The following MEIG1 variants were observed in gnomAD, a reference collection of about 807,000 sequenced individuals.
MEIG1 encodes the protein meiosis/spermiogenesis associated 1, also known as meiosis expressed gene 1 protein homolog.
Under a neutral mutation model 11.3 loss-of-function variants are expected in MEIG1, and 12 were observed. The ratio of observed to expected loss-of-function variants is 1.07; its 90% confidence interval spans 0.68 to 1.73. The LOEUF (loss-of-function observed/expected upper bound fraction) is 1.73, where lower values mean the gene tolerates loss of function less well. Ranked by LOEUF, MEIG1 falls within the 40% of genes most tolerant of loss-of-function variation. The pLI, the probability that MEIG1 is intolerant of heterozygous loss-of-function variation, is 0.00. For missense variants in MEIG1, 119 were observed against 104.9 expected (o/e 1.13, Z -0.59); for synonymous variants, 41 against 33.2 (o/e 1.24, Z -0.81).
In MEIG1 at chr10:14,978,205, A is replaced by G. The variant is rs148359007; in HGVS notation, n.66+5585A>G. On this transcript the variant is annotated intron_variant and non_coding_transcript_variant, in intron 1 of 2. Transcript: ENST00000467536. ...CAGGGAATGTTACTTTGAATGTCACATGGGGTGTACACCCTTTGATGTTAG... is the reference window on the plus strand; with the variant it reads ...CAGGGAATGTTACTTTGAATGTCACGTGGGGTGTACACCCTTTGATGTTAG... Among the ~76,000 whole-genome samples the G allele has an allele frequency of 3.3e-3, 499 of 152,064 alleles. 7 individuals carry two copies. Among genetic ancestry groups the G allele is most frequent in the Admixed American group, 0.023 (356 of 15,260 alleles).
rs1333818249 is a variant in MEIG1, at chr10:14,966,737, A to G, written c.138+131A>G. On this transcript the variant is annotated intron_variant, in intron 2 of 2. Coordinates refer to ENST00000407572, the MANE Select transcript of MEIG1 (RefSeq NM_001080836.3). ...TCTCTCATTTTATTTGTTTTCTTTT[A>G]TTTACTTTTATTTTATTTTTTGAGA... 3 of 878,682 alleles carry G rather than the reference A, an allele frequency of 3.4e-6. No individual in the cohort carries two copies. In the Admixed American group the frequency reaches 9.3e-5, roughly 27 times the overall value. 54.4% of individuals were successfully genotyped at this position (878,682 alleles called of 1,614,324 possible).
In MEIG1 at chr10:14,972,526, C is replaced by G. The variant is rs148637904; in HGVS notation, c.152C>G (p.Pro51Arg). The change falls in exon 3 of 3, where the codon CCG (proline) becomes CGG (arginine). Residue 51 changes from proline to arginine, a missense_variant. Pro to Arg is a moderately radical substitution (Grantham distance 103). Transcript: ENST00000407572. The part of the protein sequence containing the change: ...VKQVSMVDRW[P>R]ETGYVKKLQR... ...CTTGATGTGCAGGTAGATCGTTGGCCGGAGACAGGATATGTGAAGAAACTT... is the reference window on the plus strand; with the variant it reads ...CTTGATGTGCAGGTAGATCGTTGGCGGGAGACAGGATATGTGAAGAAACTT... 1.2e-4 allele frequency: 191 copies of G among 1,613,866 alleles called. No homozygotes were observed. The highest frequency in any genetic ancestry group is 1.5e-4 in the Non-Finnish European group (180 of 1,179,918).
At chr10:14,978,024 A>G (rs1016457398) in intron 1 of MEIG1, among the ~76,000 whole-genome samples, 1 of 151,676 alleles carries the variant, frequency 6.6e-6, no homozygotes, top group Non-Finnish European at 1.5e-5. Context: ...TTATTGTAAT[A>G]TTCTAGGGGG....
At chr10:14,986,754 C>A (rs947380084) in intron 1 of MEIG1, 1 of 331,342 alleles carries the variant, frequency 3.0e-6, no homozygotes. Flanking sequence ...AGACTACAGG[C>A]AGGCGTCACC....
chr10:14,955,313 T>C (rs780252735), upstream of MEIG1, among the ~76,000 whole-genome samples: 10 of 152,192 alleles, frequency 6.6e-5, no homozygotes, highest in Non-Finnish European at 1.2e-4. Flanking sequence ...CGACAACATG[T>C]TTGCAGAATA....
downstream of MEIG1, among the ~76,000 whole-genome samples, chr10:14,975,653 C>T (rs1016526623): frequency 1.3e-5 from 2 of 151,922 alleles, no homozygotes; most frequent in Non-Finnish European, 2.9e-5. Flanking sequence ...GTACAGCCCC[C>T]CTGTGATATG....
At chr10:14,964,500 G>A (rs1305665768) in intron 1 of MEIG1, among the ~76,000 whole-genome samples, 2 of 150,246 alleles carry the variant, frequency 1.3e-5, no homozygotes, top group African/African-American at 4.9e-5. Context: ...CCAGTATGAA[G>A]GATGGATATT....
chr10:14,965,824 A>G (rs1043724772), intron 1 of MEIG1, among the ~76,000 whole-genome samples: 22 of 152,178 alleles, frequency 1.4e-4, no homozygotes, highest in African/African-American at 5.3e-4. Context: ...GTATTTGCAT[A>G]CAGCTTTTAG....
At chr10:14,955,282 G>A (rs974610762), upstream of MEIG1, among the ~76,000 whole-genome samples, 3 of 152,178 alleles carry the variant, frequency 2.0e-5, no homozygotes, top group African/African-American at 7.2e-5. Flanking sequence ...CAAACCTTCG[G>A]GTAGCATTCA....
At chr10:14,973,344 G>A (rs1395750733), downstream of MEIG1, among the ~76,000 whole-genome samples, 2 of 152,154 alleles carry the variant, frequency 1.3e-5, no homozygotes, top group Non-Finnish European at 1.5e-5. Context: ...CCAGATATGG[G>A]TCTTGTGGCC....
intron 1 of MEIG1, among the ~76,000 whole-genome samples, chr10:14,979,691 G>C (rs1379893266): frequency 6.6e-6 from 1 of 151,984 alleles, no homozygotes; most frequent in Non-Finnish European, 1.5e-5. Context: ...ATCCTAAAGA[G>C]ATGTTATCTT....
chr10:14,976,986 C>T (rs1333183835), downstream of MEIG1, among the ~76,000 whole-genome samples: 3 of 150,568 alleles, frequency 2.0e-5, no homozygotes, highest in Non-Finnish European at 4.4e-5. Flanking sequence ...TTCGTTATAT[C>T]CACGGGGGAT....
chr10:14,986,344 C>A (rs567522035), intron 1 of MEIG1, among the ~76,000 whole-genome samples: 3 of 152,178 alleles, frequency 2.0e-5, no homozygotes, highest in South Asian at 2.1e-4. Flanking sequence ...AAACAAAAAA[C>A]CAGCATGATT....
upstream of MEIG1, among the ~76,000 whole-genome samples, chr10:14,957,579 A>T (rs1842963775): frequency 2.6e-5 from 4 of 152,138 alleles, no homozygotes; most frequent in South Asian, 8.3e-4. Context: ...TCTCCATAAG[A>T]TGGGAAGCCA....
chr10:14,971,893 G>A (rs1314295833), intron 2 of MEIG1, among the ~76,000 whole-genome samples: 1 of 152,126 alleles, frequency 6.6e-6, no homozygotes, highest in Non-Finnish European at 1.5e-5. Flanking sequence ...GAGCTGGGAG[G>A]ATCACTTGAC....
At chr10:14,979,283 C>G (rs1843241134) in intron 1 of MEIG1, among the ~76,000 whole-genome samples, 1 of 151,738 alleles carries the variant, frequency 6.6e-6, no homozygotes, top group Non-Finnish European at 1.5e-5. Context: ...ACAGGCTAAC[C>G]CCCTGTGACA....
downstream of MEIG1, among the ~76,000 whole-genome samples, chr10:14,974,022 G>A (rs4748121): frequency 2.0e-5 from 3 of 151,868 alleles, no homozygotes; most frequent in Admixed American, 6.6e-5. Flanking sequence ...ACAGTCTCTC[G>A]TATAATTGTG....
At chr10:14,957,397 G>A (rs1278075916), upstream of MEIG1, among the ~76,000 whole-genome samples, 1 of 152,240 alleles carries the variant, frequency 6.6e-6, no homozygotes, top group African/African-American at 2.4e-5. Flanking sequence ...CGGAAGGGCA[G>A]TGATGAAATA....
In MEIG1 at chr10:14,966,580, T is replaced by C; in HGVS notation, c.112T>C (p.Tyr38His). 1.2e-6 allele frequency: 2 copies of C among 1,611,240 alleles called. No homozygotes were observed. Among genetic ancestry groups the C allele is most frequent in the Non-Finnish European group, 1.7e-6 (2 of 1,179,166 alleles). Residue 38 changes from tyrosine to histidine, a missense_variant, in exon 2 of 3, where the codon TAT becomes CAT. Transcript: ENST00000407572. ...AGCAGGATATCGGGATGAAACCGAA[T>C]ATAGACAAGTGAAACAAGTTTCTAT... ...QQAGYRDETE[Y>H]RQVKQVSMVD... is the part of the protein sequence containing the mutation.
Sources: gnomAD v4.1 joint callset for allele counts (sites outside exome capture counted in the v4.1 genomes callset) on GRCh38, gnomAD v4.1.1 for gene constraint, MANE v1.5 for transcripts, NCBI Gene and HGNC (gene_info 2026-07-23, HGNC 2026-07-21) for gene names.